Variants in DDX17 observed in about 807,000 individuals in gnomAD.
DDX17 encodes the protein probable ATP-dependent RNA helicase DDX17.
In DDX17, 10 loss-of-function variants were observed where a neutral mutation model predicts 80.8. The ratio of observed to expected loss-of-function variants is 0.12; its 90% CI spans 0.08 to 0.21. The LOEUF is 0.21. DDX17 is among the 10% of genes least tolerant of loss of function. The pLI is 1.00. For missense variants in DDX17, 586 were observed against 957.4 expected (o/e 0.61, Z 5.12); for synonymous variants, 339 against 336.2 (o/e 1.01, Z -0.09).
chr22:38,497,284 C>T (rs1267752374), intron 5 of DDX17, among the ~76,000 whole-genome samples: 9 of 82,274 alleles, frequency 1.1e-4, no homozygotes, highest in Admixed American at 6.4e-4. Flanking sequence ...CAACCAAGAG[C>T]GAAACTCCAT....
chr22:38,485,633 A>G lies in DDX17; in HGVS notation c.*302T>C, dbSNP rs1420026490. ...ATGAAAAATAGCTCAAATATCTTCA[A>G]CATGCAAGAAGTTGGGGGAAGAAAT... On this transcript the variant is annotated 3_prime_UTR_variant, in exon 13 of 13. Transcript: ENST00000403230. 1 of 155,588 alleles carries G rather than the reference A, an allele frequency of 6.4e-6. No individual in the cohort carries two copies. The highest frequency in any genetic ancestry group is 1.8e-4 in the East Asian group (1 of 5,458). The allele number at this position is 155,588 out of a possible 1,614,324, so 9.6% of individuals were successfully genotyped here.
Position 38,486,409 on chromosome 22 carries a change from TGAA to T in DDX17, c.1713_1715del (p.Ser572del). On this transcript the variant is annotated inframe_deletion, in exon 13 of 13. Transcript: ENST00000403230. The stretch of plus-strand genomic sequence containing the variant: ...GATACATCAGATTGGGATTGTTGGC[TGAA>T]GAAGTGGTCCGGTAACGAGAACGAC... 2 of 1,612,012 alleles carry T rather than the reference TGAA, an allele frequency of 1.2e-6. No homozygotes were observed. The highest frequency in any genetic ancestry group is 1.7e-5 in the Admixed American group (1 of 59,646).
intron 10 of DDX17, 33 bp from the exon 11 acceptor site, chr22:38,492,148 A>G (rs576566877): frequency 1.9e-6 from 3 of 1,570,724 alleles, no homozygotes; most frequent in Non-Finnish European, 2.6e-6. Flanking sequence ...TCATCAAATA[A>G]GCATTCCTTG....
At chr22:38,498,836 G>A (rs1289445113) in intron 3 of DDX17, among the ~76,000 whole-genome samples, 1 of 152,124 alleles carries the variant, frequency 6.6e-6, no homozygotes, top group African/African-American at 2.4e-5. Context: ...GGTCAACATG[G>A]TGAACCCTGT....
In DDX17 at chr22:38,489,367, C is replaced by T. The variant is rs1313775654; in HGVS notation, c.1448-1252G>A. 1 of 985,524 alleles carries T rather than the reference C, an allele frequency of 1.0e-6. No individual in the cohort carries two copies. Among genetic ancestry groups the T allele is most frequent in the African/African-American group, 1.7e-5 (1 of 57,144 alleles). 61.0% of individuals were successfully genotyped at this position (985,524 alleles called of 1,614,324 possible). A position where few individuals can be genotyped will look rare whatever the true frequency, so the allele number is the denominator to read the frequency against. ...GCGCGGGGAGCATGCATCAAGGGTCCGTGGCAGTGAGAAGTCCCCACACAC... is the reference window on the plus strand; with the variant it reads ...GCGCGGGGAGCATGCATCAAGGGTCTGTGGCAGTGAGAAGTCCCCACACAC... On this transcript the variant is annotated intron_variant, in intron 11 of 12. Transcript: ENST00000403230. The surrounding 1 kb of genome is among the most constrained non-coding windows in gnomAD (Gnocchi z 4.6).
chr22:38,490,256 T>C (rs2089699947), intron 11 of DDX17: 1 of 1,247,946 alleles, frequency 8.0e-7, no homozygotes, highest in African/African-American at 1.6e-5. Context: ...AAAGTTAATG[T>C]TTTGGCCAGC....
intron 1 of DDX17, among the ~76,000 whole-genome samples, chr22:38,503,152 A>AT (rs1491158831): frequency 6.6e-6 from 1 of 152,212 alleles, no homozygotes; most frequent in African/African-American, 2.4e-5. Context: ...TGTCAGCGAC[A>AT]TATTTAATAT....
At chr22:38,490,314 G>A (rs1352012091) in intron 11 of DDX17, 7 of 1,286,906 alleles carry the variant, frequency 5.4e-6, no homozygotes, top group Non-Finnish European at 7.1e-6. Flanking sequence ...GACATGGCCT[G>A]AATCGCCAAT....
chr22:38,499,879 T>C (rs1467081657), intron 2 of DDX17, among the ~76,000 whole-genome samples: 1 of 152,020 alleles, frequency 6.6e-6, no homozygotes, highest in Non-Finnish European at 1.5e-5. Context: ...GAAGAGACAA[T>C]GTTGGCTGGG....
chr22:38,495,587 G>C (rs550487541), intron 6 of DDX17, among the ~76,000 whole-genome samples: 1 of 152,228 alleles, frequency 6.6e-6, no homozygotes, highest in African/African-American at 2.4e-5. Context: ...AACCATGTCA[G>C]GACTTATGTA....
At chr22:38,487,741 T>C (rs1421194383) in intron 12 of DDX17, 138 bp downstream of exon 12, 15 of 811,058 alleles carry the variant, frequency 1.8e-5, no homozygotes, top group Non-Finnish European at 2.8e-5. Context: ...AAAAAGGTTA[T>C]AAAAAGCATT....
rs2089656816 is a variant in DDX17, at chr22:38,486,160, A to G, written c.1965T>C (p.Tyr655=). 1.2e-6 allele frequency: 2 copies of G among 1,614,062 alleles called. No homozygotes were observed. The highest frequency in any genetic ancestry group is 2.2e-5 in the East Asian group (1 of 44,894). ...TACTAGCTCCATAAGTGCCAGCACC[A>G]TATTCTTGAGCTGTATAGCTACTGG... The change falls in exon 13 of 13, where the codon TAT becomes TAC. Residue 655 remains tyrosine (Y), a synonymous_variant. Coordinates refer to ENST00000403230, the MANE Select transcript of DDX17 (RefSeq NM_006386.5).
In DDX17 at chr22:38,492,037, G is replaced by C. The variant is rs767857565; in HGVS notation, c.1447+19C>G. On this transcript the variant is annotated intron_variant, in intron 11 of 12. Transcript: ENST00000403230. ...AAAAGATACATATACCATTGACAGA[G>C]ACACCTATCTATACAAACCTAGCCC... is the stretch of plus-strand genomic sequence containing the variant. The C allele has an allele frequency of 5.1e-6, 8 of 1,572,150 alleles. No individual in the cohort carries two copies. Among genetic ancestry groups the C allele is most frequent in the Non-Finnish European group, 6.9e-6 (8 of 1,155,084 alleles).
At chr22:38,503,329 T>C (rs2089849019) in intron 1 of DDX17, among the ~76,000 whole-genome samples, 1 of 152,228 alleles carries the variant, frequency 6.6e-6, no homozygotes, top group Admixed American at 6.5e-5. Context: ...TATTGCCACA[T>C]TGCAATGCTA....
Position 38,494,729 on chromosome 22 carries a change from C to T in DDX17, c.1115G>A (p.Arg372His). The T allele has an allele frequency of 3.1e-6, 5 of 1,614,144 alleles. No individual in the cohort carries two copies. Among genetic ancestry groups the T allele is most frequent in the Middle Eastern group, 1.6e-4 (1 of 6,062 alleles). ...GCCTACGTTGATCTGGGTGTAATCA[C>T]GAAGGAAATCCTCTGCAAGCTGTCT... The change falls in exon 8 of 13, where the codon CGT (arginine) becomes CAT (histidine). Residue 372 changes from arginine to histidine, a missense_variant. This residue lies in a region of DDX17 where 141 missense variants were observed against 379.3 expected (regional missense o/e 0.37). Coordinates refer to ENST00000403230, the MANE Select transcript of DDX17 (RefSeq NM_006386.5).
chr22:38,505,698 G>C (rs759535562), intron 1 of DDX17: 3 of 474,814 alleles, frequency 6.3e-6, no homozygotes, highest in Non-Finnish European at 7.3e-6. Flanking sequence ...CCGCGGGGCT[G>C]GGATGGGGCC....
intron 12 of DDX17, 120 bp from the exon 13 acceptor site, chr22:38,486,560 C>A: frequency 7.3e-7 from 1 of 1,367,980 alleles, no homozygotes; most frequent in Non-Finnish European, 9.7e-7. Context: ...GTTATGCTGG[C>A]CAGCCTCCCA....
In DDX17 at chr22:38,489,102, A is replaced by G. The variant is rs2089689878; in HGVS notation, c.1448-987T>C. ...AAACAAACAATTTTAAGAATATAACAAAGAATCCTACTGTTTTGTGGAAAA... is the reference window on the plus strand; with the variant it reads ...AAACAAACAATTTTAAGAATATAACGAAGAATCCTACTGTTTTGTGGAAAA... On this transcript the variant is annotated intron_variant, in intron 11 of 12. Transcript: ENST00000403230. The surrounding 1 kb of genome is among the most constrained non-coding windows in gnomAD (Gnocchi z 4.6). The G allele has an allele frequency of 2.0e-6, 2 of 984,172 alleles. No individual in the cohort carries two copies. Among genetic ancestry groups the G allele is most frequent in the African/African-American group, 3.5e-5 (2 of 57,226 alleles). The allele number at this position is 984,172 out of a possible 1,614,324, so 61.0% of individuals were successfully genotyped here.
intron 12 of DDX17, among the ~76,000 whole-genome samples, chr22:38,486,965 C>T (rs184226803): frequency 1.6e-4 from 24 of 152,208 alleles, no homozygotes; most frequent in African/African-American, 5.5e-4. Context: ...TTGAGGTCAG[C>T]AGTTCAAGAC....
Sources: allele counts gnomAD v4.1 joint callset (sites outside exome capture counted in the v4.1 genomes callset), GRCh38; gene constraint gnomAD v4.1.1; regional missense constraint gnomAD v4.1.1; non-coding constraint Gnocchi (gnomAD v3.1); transcripts MANE v1.5; gene names NCBI Gene and HGNC (gene_info 2026-07-23, HGNC 2026-07-21).